The following TMEM240 variants were observed in gnomAD, a reference collection of about 807,000 sequenced individuals.
TMEM240 encodes the protein transmembrane protein C1orf70.
In TMEM240, 3 loss-of-function variants were observed where a neutral mutation model predicts 19.5. That is an observed-to-expected ratio of 0.15 (90% CI 0.07 to 0.40). The LOEUF (loss-of-function observed/expected upper bound fraction) is 0.40. Ranked by LOEUF, TMEM240 falls within the 10% of genes least tolerant of loss-of-function variation. TMEM240 has a pLI of 1.00. For synonymous variants in TMEM240, 123 were observed against 109.3 expected, an observed-to-expected ratio of 1.13 and a Z score of -0.78; for missense variants, 210 against 253.5, an observed-to-expected ratio of 0.83 and a Z score of 1.17.
intron 2 of TMEM240, among the ~76,000 whole-genome samples, chr1:1,537,629 CTGTGACATG>C (rs1408205329): frequency 6.6e-6 from 1 of 152,188 alleles, no homozygotes; most frequent in East Asian, 1.9e-4. Flanking sequence ...ACACGTATGT[CTGTGACATG>C]TACATACGTG....
intron 1 of TMEM240, 60 bp downstream of exon 1, chr1:1,540,230 G>T (rs1270912168): frequency 4.1e-6 from 5 of 1,217,772 alleles, no homozygotes; most frequent in Non-Finnish European, 5.2e-6. Flanking sequence ...GCGGGAGGTG[G>T]GCCAGGCGGC....
intron 1 of TMEM240, 27 bp from the exon 2 acceptor site, chr1:1,539,817 C>T (rs1214194628): frequency 4.5e-6 from 7 of 1,539,460 alleles, no homozygotes; most frequent in Non-Finnish European, 6.1e-6. Flanking sequence ...CCGGTCAGCG[C>T]CAAGGAGCGG....
chr1:1,539,152 G>T, intron 2 of TMEM240: 1 of 160,050 alleles, frequency 6.2e-6, no homozygotes, highest in Non-Finnish European at 1.4e-5. Flanking sequence ...TCACACGGTG[G>T]GTGCGGGGGG....
In TMEM240 at chr1:1,535,175, C is replaced by T. The variant is rs558350605; in HGVS notation, c.*184G>A. ...ACCCAACCCCCACCCTAGCCCACAC[C>T]CCAACCCCCTTTATAAAAAGAAGAG... On this transcript the variant is annotated 3_prime_UTR_variant, in exon 4 of 4. Transcript: ENST00000378733. This position sits in a 1 kb window ranked among gnomAD's most constrained non-coding sequence, Gnocchi z 8.2. The T allele has an allele frequency of 3.4e-4, 229 of 667,306 alleles. No homozygotes were observed. The highest frequency in any genetic ancestry group is 4.4e-4 in the Non-Finnish European group (178 of 400,786). The allele number at this position is 667,306 out of a possible 1,614,324, so 41.3% of individuals were successfully genotyped here.
intron 1 of TMEM240, among the ~76,000 whole-genome samples, 170 bp from the exon 2 acceptor site, chr1:1,539,960 C>A (rs1570373874): frequency 1.4e-5 from 1 of 73,828 alleles, no homozygotes; most frequent in African/African-American, 5.6e-5. Context: ...ATGGGGATCG[C>A]AGGCTGGGGA....
chr1:1,537,245 C>A (rs565888537), intron 2 of TMEM240, among the ~76,000 whole-genome samples: 3 of 151,914 alleles, frequency 2.0e-5, no homozygotes, highest in Admixed American at 1.3e-4. Context: ...GGAAAGTGGC[C>A]GCTTTCAGTG....
chr1:1,540,232 C>A (rs1480654666), intron 1 of TMEM240, 58 bp downstream of exon 1: 6 of 1,220,554 alleles, frequency 4.9e-6, no homozygotes, highest in Non-Finnish European at 6.2e-6. Context: ...GGGAGGTGGG[C>A]CAGGCGGCGC....
At chr1:1,538,513 C>G (rs1338225245) in intron 2 of TMEM240, among the ~76,000 whole-genome samples, 1 of 152,242 alleles carries the variant, frequency 6.6e-6, no homozygotes, top group Non-Finnish European at 1.5e-5. Context: ...CTCTGGAGCT[C>G]GGGTCTGGGC....
Position 1,535,351 on chromosome 1 carries a change from C to CAGGTAAGTCTCACAG in TMEM240, c.*7_*8insCTGTGAGACTTACCT. 6.5e-7 allele frequency: 1 copy of CAGGTAAGTCTCACAG among 1,548,678 alleles called. No individual in the cohort carries two copies. Among genetic ancestry groups the CAGGTAAGTCTCACAG allele is most frequent in the Non-Finnish European group, 8.7e-7 (1 of 1,146,034 alleles). On this transcript the variant is annotated 3_prime_UTR_variant, in exon 4 of 4. Transcript: ENST00000378733. This position sits in a 1 kb window ranked among gnomAD's most constrained non-coding sequence, Gnocchi z 8.2. ...TGGCTCGGTGGCCCCGGTAAGTCCC[C>CAGGTAAGTCTCACAG]GTGCGGCTCACAGGTGCCGCGGGCT...
chr1:1,535,828 C>T lies in TMEM240; in HGVS notation c.165-31G>A. 1 of 1,539,302 alleles carries T rather than the reference C, an allele frequency of 6.5e-7. No individual in the cohort carries two copies. On this transcript the variant is annotated intron_variant, in intron 2 of 3. Transcript: ENST00000378733. The surrounding 1 kb of genome is among the most constrained non-coding windows in gnomAD (Gnocchi z 8.2). The stretch of plus-strand genomic sequence containing the variant: ...GGCGGCAGGGCGGGCTGGCACCTCT[C>T]CCGCCACCCCCGGCCTGGCCTTCCC...
At chr1:1,540,264 C>G (rs963938645) in intron 1 of TMEM240, 26 bp downstream of exon 1, 3 of 1,303,508 alleles carry the variant, frequency 2.3e-6, no homozygotes, top group African/African-American at 1.6e-5. Context: ...GAGCAGGGGG[C>G]GCGCGCGGGA....
chr1:1,539,876 C>T (rs1642273913), intron 1 of TMEM240, 86 bp from the exon 2 acceptor site: 1 of 1,130,292 alleles, frequency 8.8e-7, no homozygotes, highest in Non-Finnish European at 1.2e-6. Context: ...GGGGTCGGGG[C>T]AGCGCAAGCG....
chr1:1,534,834 G>A lies in TMEM240; in HGVS notation c.*525C>T, dbSNP rs1055956009. 1.3e-4 allele frequency: 20 copies of A among 156,862 alleles called. No homozygotes were observed. The highest frequency in any genetic ancestry group is 2.0e-4 in the South Asian group (1 of 5,038). The allele number at this position is 156,862 out of a possible 1,614,324, so 9.7% of individuals were successfully genotyped here. A position where few individuals can be genotyped will look rare whatever the true frequency, so the allele number is the denominator to read the frequency against. On this transcript the variant is annotated 3_prime_UTR_variant, in exon 4 of 4. Coordinates refer to ENST00000378733, the MANE Select transcript of TMEM240 (RefSeq NM_001114748.2). ...AGGGGTGGGCTTCACATGAGTGCCC[G>A]CCACTGCGGGGCCAGGGGCCTGAAT...
Position 1,536,146 on chromosome 1 carries a change from AG to A in TMEM240, c.165-350del, listed in dbSNP as rs1245629742. Reference sequence around the variant, plus strand: ...TGCAGGTGGAAGAGGCCTCCCCCGGAGGGGGCTCAGGACGGCGGTCCCCACG... The same window carrying A: ...TGCAGGTGGAAGAGGCCTCCCCCGGAGGGGCTCAGGACGGCGGTCCCCACG... On this transcript the variant is annotated intron_variant, in intron 2 of 3. Transcript: ENST00000378733. The surrounding 1 kb of genome is among the most constrained non-coding windows in gnomAD (Gnocchi z 5.4). Among the ~76,000 whole-genome samples the A allele has an allele frequency of 6.6e-6, 1 of 151,862 alleles. No individual in the cohort carries two copies. The highest frequency in any genetic ancestry group is 1.5e-5 in the Non-Finnish European group (1 of 67,920).
chr1:1,536,258 G>T lies in TMEM240; in HGVS notation c.165-461C>A, dbSNP rs1328456608. On this transcript the variant is annotated intron_variant, in intron 2 of 3. Transcript: ENST00000378733. This position sits in a 1 kb window ranked among gnomAD's most constrained non-coding sequence, Gnocchi z 5.4. ...GACACAGGGAGCCCTGCTGGCCCCA[G>T]ACCAGCCACTCCCATGCACCCTTCC... 1.3e-5 allele frequency among the ~76,000 whole-genome samples: 2 copies of T among 152,110 alleles called. No individual in the cohort carries two copies. Among genetic ancestry groups the T allele is most frequent in the Admixed American group, 6.5e-5 (1 of 15,284 alleles).
rs1035219027 is a variant in TMEM240 at position 1,536,819 on chromosome 1, G to C, written c.165-1022C>G. On this transcript the variant is annotated intron_variant, in intron 2 of 3. Transcript: ENST00000378733. This position sits in a 1 kb window ranked among gnomAD's most constrained non-coding sequence, Gnocchi z 5.4. ...ACTCCTGGCTGCCTCCCACATCTCCGCCGAGCTCCAGCTGCCTGTGTCTCC... is the reference window on the plus strand; with the variant it reads ...ACTCCTGGCTGCCTCCCACATCTCCCCCGAGCTCCAGCTGCCTGTGTCTCC... 1.3e-5 allele frequency among the ~76,000 whole-genome samples: 2 copies of C among 152,032 alleles called. 1 individual carries two copies. The highest frequency in any genetic ancestry group is 6.3e-3 in the Middle Eastern group (2 of 316).
intron 2 of TMEM240, among the ~76,000 whole-genome samples, chr1:1,538,179 A>G (rs1434283117): frequency 6.6e-6 from 1 of 152,216 alleles, no homozygotes; most frequent in African/African-American, 2.4e-5. Context: ...TTGCATACAC[A>G]TATATGTTGT....
At position 1,536,321 on chromosome 1, in the gene TMEM240, C is replaced by T. The variant is rs1053942830; in HGVS notation, c.165-524G>A. Among the ~76,000 whole-genome samples the T allele has an allele frequency of 1.6e-4, 24 of 152,178 alleles. No homozygotes were observed. The highest frequency in any genetic ancestry group is 5.1e-4 in the African/African-American group (21 of 41,432). ...GCCCTTTCCTCCACGGCTGCCACCG[C>T]GCCTGCCAGGCCCACTGCCCCTGGT... On this transcript the variant is annotated intron_variant, in intron 2 of 3. Transcript: ENST00000378733. The surrounding 1 kb of genome is among the most constrained non-coding windows in gnomAD (Gnocchi z 5.4).
chr1:1,537,609 T>C (rs1348216811), intron 2 of TMEM240, among the ~76,000 whole-genome samples: 1 of 152,114 alleles, frequency 6.6e-6, no homozygotes, highest in Non-Finnish European at 1.5e-5. Flanking sequence ...GGCAGAGATA[T>C]GCTATCTGCA....
Sources: allele counts gnomAD v4.1 joint callset (sites outside exome capture counted in the v4.1 genomes callset), GRCh38; gene constraint gnomAD v4.1.1; non-coding constraint Gnocchi (gnomAD v3.1); transcripts MANE v1.5; gene names NCBI Gene and HGNC (gene_info 2026-07-23, HGNC 2026-07-21).